CCSER1: variants seen among roughly 807,000 people sequenced by gnomAD.
CCSER1 encodes the protein serine-rich coiled-coil domain-containing protein 1.
CCSER1 carries 41 observed loss-of-function variants against 82.0 expected under a neutral mutation model. The ratio of observed to expected loss-of-function variants is 0.50; its 90% CI spans 0.39 to 0.65. The LOEUF is 0.65. CCSER1 is among the 30% of genes least tolerant of loss of function. The pLI is 0.00. For missense variants in CCSER1, 1,119 were observed against 1,064.2 expected (o/e 1.05, Z -0.72); for synonymous variants, 414 against 383.9 (o/e 1.08, Z -0.92).
intron 1 of CCSER1, among the ~76,000 whole-genome samples, chr4:90,251,557 G>C (rs60654585): frequency 0.045 from 6,808 of 151,780 alleles, 398 homozygotes; most frequent in African/African-American, 0.13. Context: ...ACCAGCATTA[G>C]ATTTCTGGAA....
At chr4:91,202,053 C>A (rs1282965315) in intron 10 of CCSER1, among the ~76,000 whole-genome samples, 2 of 151,732 alleles carry the variant, frequency 1.3e-5, no homozygotes, top group Non-Finnish European at 2.9e-5. Flanking sequence ...ACTTTTAGCA[C>A]TTTTTTGTCT....
chr4:90,865,130 A>T (rs1426405035), intron 8 of CCSER1, among the ~76,000 whole-genome samples: 1 of 152,020 alleles, frequency 6.6e-6, no homozygotes, highest in Non-Finnish European at 1.5e-5. Context: ...TTGTAAAATC[A>T]TGTAAAATTG....
chr4:90,205,922 T>C lies in CCSER1; in HGVS notation c.-42+78091T>C, dbSNP rs190514977. Among the ~76,000 whole-genome samples, 6 of 152,292 alleles carry C rather than the reference T, an allele frequency of 3.9e-5. No individual in the cohort carries two copies. In the East Asian group the frequency reaches 7.7e-4, roughly 20 times the overall value. On this transcript the variant is annotated intron_variant, in intron 1 of 10. Coordinates refer to ENST00000509176, the MANE Select transcript of CCSER1 (RefSeq NM_001145065.2). ...GATTTGACTTCTTCCTGGTTTAGTA[T>C]TGAGAGGGTGTATGTGTTCAGGAAT...
At chr4:91,117,930 T>C (rs182010998) in intron 10 of CCSER1, among the ~76,000 whole-genome samples, 1 of 152,336 alleles carries the variant, frequency 6.6e-6, no homozygotes, top group Non-Finnish European at 1.5e-5. Flanking sequence ...TCTTTTCCAT[T>C]ACCCAAGTGA....
At chr4:90,221,790 G>T (rs913146771) in intron 1 of CCSER1, among the ~76,000 whole-genome samples, 1 of 152,110 alleles carries the variant, frequency 6.6e-6, no homozygotes, top group Non-Finnish European at 1.5e-5. Context: ...TATTTGAACT[G>T]ATCTGGTACA....
intron 10 of CCSER1, among the ~76,000 whole-genome samples, chr4:91,175,113 G>T (rs1733189688): frequency 6.6e-6 from 1 of 152,016 alleles, no homozygotes; most frequent in African/African-American, 2.4e-5. Flanking sequence ...GAGAATGATG[G>T]TTTCCAGCTT....
rs1409965619 is a variant in CCSER1 at position 91,507,756 on chromosome 4, A to C, written c.2218-90816A>C. On this transcript the variant is annotated intron_variant, in intron 10 of 10. Coordinates refer to ENST00000509176, the MANE Select transcript of CCSER1 (RefSeq NM_001145065.2). The stretch of plus-strand genomic sequence containing the variant: ...AGAAGCAATTTAAAAAAATTTTAAT[A>C]AACTTCAATTTATTTTCTTCTTTTA... Among the ~76,000 whole-genome samples the C allele has an allele frequency of 2.6e-5, 4 of 151,846 alleles. No individual in the cohort carries two copies. In the East Asian group the frequency reaches 7.7e-4, roughly 29 times the overall value.
intron 8 of CCSER1, among the ~76,000 whole-genome samples, chr4:90,885,360 A>G (rs185749962): frequency 7.2e-5 from 11 of 152,320 alleles, no homozygotes; most frequent in Middle Eastern, 6.8e-3. Flanking sequence ...TGTTGAAAAG[A>G]TGATATAATT....
chr4:90,566,267 C>A (rs561533106), intron 5 of CCSER1, among the ~76,000 whole-genome samples: 30 of 152,122 alleles, frequency 2.0e-4, no homozygotes, highest in Middle Eastern at 3.4e-3. Flanking sequence ...TTAATAGTGT[C>A]TTTGCCTGGC....
intron 10 of CCSER1, among the ~76,000 whole-genome samples, chr4:91,592,435 G>T (rs887046404): frequency 2.0e-5 from 3 of 152,024 alleles, no homozygotes; most frequent in African/African-American, 7.2e-5. Context: ...AATGGGCAGA[G>T]GTAAATGTGT....
At chr4:90,177,860 G>A (rs750468190) in intron 1 of CCSER1, among the ~76,000 whole-genome samples, 33 of 152,128 alleles carry the variant, frequency 2.2e-4, no homozygotes, top group Non-Finnish European at 4.0e-4. Context: ...TTATTTACAT[G>A]TTCAGAGTAA....
intron 6 of CCSER1, among the ~76,000 whole-genome samples, chr4:90,686,671 C>G (rs1734863102): frequency 6.6e-6 from 1 of 152,040 alleles, no homozygotes; most frequent in South Asian, 2.1e-4. Context: ...CAAGAAGTAG[C>G]CAAAACACCA....
At chr4:91,003,990 C>T (rs1021773735) in intron 9 of CCSER1, among the ~76,000 whole-genome samples, 3 of 152,222 alleles carry the variant, frequency 2.0e-5, no homozygotes, top group Non-Finnish European at 2.9e-5. Context: ...TCTAGACCTT[C>T]AGGTTCCCCA....
chr4:90,874,840 G>A (rs573550613), intron 8 of CCSER1, among the ~76,000 whole-genome samples: 2 of 152,234 alleles, frequency 1.3e-5, no homozygotes, highest in East Asian at 3.9e-4. Flanking sequence ...AAGGTCAAGA[G>A]ATCGAGACCA....
intron 1 of CCSER1, among the ~76,000 whole-genome samples, chr4:90,177,750 A>G (rs1257890571): frequency 6.6e-6 from 1 of 152,094 alleles, no homozygotes; most frequent in African/African-American, 2.4e-5. Context: ...TTTTCCGTGT[A>G]TACAAAATGC....
At position 90,309,495 on chromosome 4, in the gene CCSER1, C is replaced by T. The variant is rs372007893; in HGVS notation, c.1211C>T (p.Ala404Val). 77 of 1,613,584 alleles carry T rather than the reference C, an allele frequency of 4.8e-5. No individual in the cohort carries two copies. Among genetic ancestry groups the T allele is most frequent in the South Asian group, 2.3e-4 (21 of 91,056 alleles). ...TTTTATGAGCAACATAAAGCAATAG[C>T]GGAACATGTAAAAGGGATCCATCCT... Reference protein sequence around the residue: ...LGFYEQHKAIAEHVKGIHPIS... With the variant: ...LGFYEQHKAIVEHVKGIHPIS... The change falls in exon 2 of 11, where the codon GCG (alanine) becomes GTG (valine). Residue 404 changes from alanine to valine, a missense_variant. Physicochemically the swap from Ala to Val is moderately conservative, Grantham distance 64 (BLOSUM62 0). Transcript: ENST00000509176.
intron 3 of CCSER1, among the ~76,000 whole-genome samples, chr4:90,317,337 C>T (rs774329194): frequency 1.3e-5 from 2 of 152,100 alleles, no homozygotes; most frequent in Non-Finnish European, 2.9e-5. Context: ...TACCGCTGGG[C>T]GTGGTGGCTC....
chr4:90,462,048 C>T (rs184089598), intron 4 of CCSER1, among the ~76,000 whole-genome samples: 1,717 of 150,624 alleles, frequency 0.011, 14 homozygotes, highest in South Asian at 0.022. Context: ...TTATCTGCTT[C>T]TTTTTTTTCA....
intron 10 of CCSER1, among the ~76,000 whole-genome samples, chr4:91,174,923 T>A (rs953639017): frequency 3.9e-5 from 6 of 152,074 alleles, no homozygotes; most frequent in African/African-American, 1.2e-4. Context: ...GCCATACACA[T>A]TAACTAGTCA....
Sources: allele counts gnomAD v4.1 joint callset (sites outside exome capture counted in the v4.1 genomes callset), GRCh38; gene constraint gnomAD v4.1.1; transcripts MANE v1.5; gene names NCBI Gene and HGNC (gene_info 2026-07-23, HGNC 2026-07-21).